Variants in BMPR1B observed in about 807,000 individuals in gnomAD.
BMPR1B encodes the protein bone morphogenetic protein receptor type 1B, also known as bone morphogenetic protein receptor type-1B.
BMPR1B carries 12 observed loss-of-function variants against 59.1 expected under a neutral mutation model. The observed-to-expected ratio is 0.20, with a 90% CI of 0.13 to 0.33. The LOEUF (loss-of-function observed/expected upper bound fraction) is 0.33. BMPR1B is among the 10% of genes least tolerant of loss of function. The pLI is 1.00. For missense variants in BMPR1B, 550 were observed against 610.9 expected, an observed-to-expected ratio of 0.90 and a Z score of 1.05; for synonymous variants, 237 against 207.3, an observed-to-expected ratio of 1.14 and a Z score of -1.23.
intron 10 of BMPR1B, among the ~76,000 whole-genome samples, chr4:95,145,195 C>T (rs977917656): frequency 1.3e-5 from 2 of 152,140 alleles, no homozygotes; most frequent in African/African-American, 4.8e-5. Flanking sequence ...TTCCTGCTAT[C>T]CTTCCCAGAA....
At chr4:94,767,981 A>G (rs1722031551) in intron 1 of BMPR1B, among the ~76,000 whole-genome samples, 1 of 152,086 alleles carries the variant, frequency 6.6e-6, no homozygotes, top group Non-Finnish European at 1.5e-5. Flanking sequence ...AAACAGCCAT[A>G]TATAAATGAA....
chr4:94,796,172 C>T (rs1031432443), intron 1 of BMPR1B, among the ~76,000 whole-genome samples: 6 of 152,092 alleles, frequency 3.9e-5, no homozygotes, highest in Non-Finnish European at 8.8e-5. Context: ...ACCATGTTGG[C>T]CAGGCTGGCC....
At chr4:94,920,608 T>C in intron 2 of BMPR1B, among the ~76,000 whole-genome samples, 1 of 151,766 alleles carries the variant, frequency 6.6e-6, no homozygotes, top group African/African-American at 2.4e-5. Flanking sequence ...GAGTGAGGAG[T>C]TGTCAAACAC....
intron 1 of BMPR1B, among the ~76,000 whole-genome samples, chr4:94,834,226 C>G (rs1724710851): frequency 1.3e-5 from 2 of 152,062 alleles, no homozygotes. Context: ...GAGGCAGTTG[C>G]CTGTAGGAAG....
chr4:94,939,821 A>G (rs1425391966), intron 2 of BMPR1B, among the ~76,000 whole-genome samples: 1 of 152,156 alleles, frequency 6.6e-6, no homozygotes, highest in Non-Finnish European at 1.5e-5. Context: ...TTTTTATTTG[A>G]CACCTTTTTA....
At position 94,953,569 on chromosome 4, in the gene BMPR1B, T is replaced by C. The variant is rs563496920; in HGVS notation, c.-112-42471T>C. Among the ~76,000 whole-genome samples the C allele has an allele frequency of 1.6e-4, 25 of 151,836 alleles. No homozygotes were observed. The South Asian group carries it at 5.0e-3, about 30-fold the overall frequency. On this transcript the variant is annotated intron_variant, in intron 2 of 12. Transcript: ENST00000515059. ...TTCTGGGTTGAAAATTCTTTAAGAA[T>C]GTTGAATATTGGCCCCCACTCTCTT...
intron 1 of BMPR1B, among the ~76,000 whole-genome samples, chr4:94,849,147 G>A (rs1333031723): frequency 6.6e-6 from 1 of 152,188 alleles, no homozygotes; most frequent in African/African-American, 2.4e-5. Context: ...TGAGGACTGA[G>A]CCCAGAGCAC....
chr4:95,154,006 T>C (rs1035122092), intron 12 of BMPR1B, among the ~76,000 whole-genome samples: 4 of 152,208 alleles, frequency 2.6e-5, no homozygotes, highest in African/African-American at 9.7e-5. Context: ...TTACTTGATA[T>C]CTCTTCACTG....
chr4:94,778,970 G>A (rs1471365389), intron 1 of BMPR1B, among the ~76,000 whole-genome samples: 1 of 151,640 alleles, frequency 6.6e-6, no homozygotes, highest in Non-Finnish European at 1.5e-5. Context: ...TATGACTTAG[G>A]GTTTCTCTAT....
intron 2 of BMPR1B, among the ~76,000 whole-genome samples, chr4:94,952,156 T>C (rs1729967271): frequency 6.6e-6 from 1 of 152,182 alleles, no homozygotes; most frequent in Non-Finnish European, 1.5e-5. Context: ...TCTTTTCTTC[T>C]TTATTAGTCT....
chr4:95,067,600 C>T (rs566740800), intron 3 of BMPR1B, among the ~76,000 whole-genome samples: 2 of 152,164 alleles, frequency 1.3e-5, no homozygotes, highest in East Asian at 1.9e-4. Flanking sequence ...CAAAATATGT[C>T]ATTTAGTCTT....
Position 94,970,103 on chromosome 4 carries a change from G to A in BMPR1B, c.-112-25937G>A, listed in dbSNP as rs1352831451. Among the ~76,000 whole-genome samples, 3 of 151,970 alleles carry A rather than the reference G, an allele frequency of 2.0e-5. 1 individual carries two copies. Among genetic ancestry groups the A allele is most frequent in the Non-Finnish European group, 4.4e-5 (3 of 67,994 alleles). Reference sequence around the variant, plus strand: ...TATATATCTTGTTTTATTTTAAAAAGCTTTTTAAAGAATGTTTAGTAGTTT... The same window carrying A: ...TATATATCTTGTTTTATTTTAAAAAACTTTTTAAAGAATGTTTAGTAGTTT... On this transcript the variant is annotated intron_variant, in intron 2 of 12. Coordinates refer to ENST00000515059, the MANE Select transcript of BMPR1B (RefSeq NM_001203.3).
chr4:94,796,003 C>T (rs1180765139), intron 1 of BMPR1B, among the ~76,000 whole-genome samples: 2 of 150,816 alleles, frequency 1.3e-5, no homozygotes, highest in Admixed American at 6.6e-5. Context: ...CTCCGTCTGT[C>T]TCCCAGACTG....
chr4:95,154,141 C>T (rs1323009818), intron 12 of BMPR1B, among the ~76,000 whole-genome samples: 1 of 152,160 alleles, frequency 6.6e-6, no homozygotes, highest in Non-Finnish European at 1.5e-5. Flanking sequence ...CAGTGTGATG[C>T]TATTACTGCA....
chr4:94,784,724 T>C (rs563741851), intron 1 of BMPR1B, among the ~76,000 whole-genome samples: 9 of 152,278 alleles, frequency 5.9e-5, no homozygotes, highest in African/African-American at 2.2e-4. Flanking sequence ...CCAGATTCAT[T>C]TGGCTCCCTT....
chr4:95,076,497 A>G (rs1379003416), intron 3 of BMPR1B, among the ~76,000 whole-genome samples: 1 of 152,124 alleles, frequency 6.6e-6, no homozygotes, highest in African/African-American at 2.4e-5. Context: ...AGTAGTATAT[A>G]AATTGCTCAC....
chr4:95,141,052 G>C (rs79811480), intron 10 of BMPR1B, among the ~76,000 whole-genome samples: 2,610 of 152,266 alleles, frequency 0.017, 76 homozygotes, highest in African/African-American at 0.06. Flanking sequence ...GATGTTGGCT[G>C]TGCAGACTCC....
chr4:94,970,870 A>AT (rs1260021473), intron 2 of BMPR1B, among the ~76,000 whole-genome samples: 3 of 151,812 alleles, frequency 2.0e-5, no homozygotes, highest in Non-Finnish European at 2.9e-5. Flanking sequence ...ACTGAACACT[A>AT]TTTTTTTTAT....
chr4:95,028,440 G>T (rs1302628847), intron 3 of BMPR1B, among the ~76,000 whole-genome samples: 1 of 152,054 alleles, frequency 6.6e-6, no homozygotes, highest in Admixed American at 6.6e-5. Context: ...GACTGTCAAG[G>T]GGTATTTATG....
Sources: gnomAD v4.1 joint callset for allele counts (sites outside exome capture counted in the v4.1 genomes callset) on GRCh38, gnomAD v4.1.1 for gene constraint, MANE v1.5 for transcripts, NCBI Gene and HGNC (gene_info 2026-07-23, HGNC 2026-07-21) for gene names.